Variants in MED13L observed in about 807,000 individuals in gnomAD.
MED13L encodes mediator complex subunit 13L.
MED13L carries 7 observed loss-of-function variants against 220.9 expected under a neutral mutation model. The ratio of observed to expected loss-of-function variants is 0.03; its 90% CI spans 0.02 to 0.06. MED13L has a LOEUF of 0.06. Among genes scored for constraint, MED13L ranks in the 10% least tolerant of loss-of-function variants. The probability of loss-of-function intolerance (pLI) is 1.00; values close to 1 mark genes in which losing one functional copy is unlikely to be tolerated. For synonymous variants in MED13L, 1,011 were observed against 1,015.2 expected, an observed-to-expected ratio of 1.00 and a Z score of 0.08; for missense variants, 1,965 against 2,760.5, an observed-to-expected ratio of 0.71 and a Z score of 6.46.
At chr12:116,108,476 C>A (rs1194159007) in intron 3 of MED13L, among the ~76,000 whole-genome samples, 4 of 151,704 alleles carry the variant, frequency 2.6e-5, no homozygotes, top group African/African-American at 7.3e-5. Flanking sequence ...CATATATTAG[C>A]CCTTCCAACT....
At chr12:116,034,011 A>G (rs563438809) in intron 4 of MED13L, among the ~76,000 whole-genome samples, 3 of 152,050 alleles carry the variant, frequency 2.0e-5, no homozygotes, top group Non-Finnish European at 4.4e-5. Flanking sequence ...ACTCTGGTTC[A>G]TATCTCTATG....
chr12:116,247,824 G>A lies in MED13L; in HGVS notation c.73-10119C>T, dbSNP rs549500001. 3.9e-4 allele frequency among the ~76,000 whole-genome samples: 60 copies of A among 152,276 alleles called. 1 individual carries two copies. Among genetic ancestry groups the A allele is most frequent in the Middle Eastern group, 6.8e-3 (2 of 294 alleles). On this transcript the variant is annotated intron_variant, in intron 1 of 30. Transcript: ENST00000281928. ...GATTTTTTAAAAGTTGGTTTATAGC[G>A]TAAGTATAAGGGCTCAGAGGTTTTA...
intron 4 of MED13L, among the ~76,000 whole-genome samples, chr12:116,076,725 TA>T (rs1231586735): frequency 6.6e-6 from 1 of 152,194 alleles, no homozygotes; most frequent in Non-Finnish European, 1.5e-5. Flanking sequence ...GAGGGTTTTT[TA>T]AAGCTATTTT....
chr12:116,024,195 C>A (rs1880233534), intron 4 of MED13L, among the ~76,000 whole-genome samples: 1 of 151,916 alleles, frequency 6.6e-6, no homozygotes, highest in Non-Finnish European at 1.5e-5. Context: ...AGAACAAATA[C>A]AACCAACATT....
chr12:116,237,840 T>C, intron 1 of MED13L, 135 bp from the exon 2 acceptor site: 1 of 809,102 alleles, frequency 1.2e-6, no homozygotes, highest in Non-Finnish European at 2.1e-6. Context: ...TTCCTCCCAG[T>C]GAAGAATGTA....
At chr12:116,028,334 T>C (rs1880523590) in intron 4 of MED13L, among the ~76,000 whole-genome samples, 2 of 152,204 alleles carry the variant, frequency 1.3e-5, no homozygotes, top group African/African-American at 4.8e-5. Flanking sequence ...TTGCTTCTTG[T>C]CACTTATTAC....
chr12:116,206,892 TC>T (rs1193820118), intron 2 of MED13L, among the ~76,000 whole-genome samples: 2 of 151,712 alleles, frequency 1.3e-5, no homozygotes, highest in Non-Finnish European at 2.9e-5. Flanking sequence ...TTTTTATATA[TC>T]CCCCCCAAAA....
At position 115,975,720 on chromosome 12, in the gene MED13L, G is replaced by C. The variant is rs750257495; in HGVS notation, c.5383C>G (p.Leu1795Val). The change falls in exon 24 of 31, where the codon CTT becomes GTT. Residue 1795 changes from leucine to valine, a missense_variant. Leu to Val is a conservative substitution (Grantham distance 32). This residue lies in a region of MED13L where 510 missense variants were observed against 620.4 expected (regional missense o/e 0.82). Transcript: ENST00000281928. The part of the protein sequence containing the change: ...KNPERPSPIQ[L>V]YSPPFILAPI... Reference sequence around the variant, plus strand: ...GCCAATATAAAGGGAGGGGAGTAAAGCTGGATTGGGCTGGGCCGCTGAAAT... The same window carrying C: ...GCCAATATAAAGGGAGGGGAGTAAACCTGGATTGGGCTGGGCCGCTGAAAT... 3 of 1,613,876 alleles carry C rather than the reference G, an allele frequency of 1.9e-6. No individual in the cohort carries two copies. The highest frequency in any genetic ancestry group is 1.7e-5 in the Admixed American group (1 of 59,998).
chr12:116,203,415 G>GTT (rs34200641), intron 2 of MED13L, among the ~76,000 whole-genome samples: 16 of 143,774 alleles, frequency 1.1e-4, no homozygotes, highest in South Asian at 8.7e-4. Context: ...TTTGTTTTGT[G>GTT]TTTTTTTTTT....
intron 2 of MED13L, among the ~76,000 whole-genome samples, chr12:116,137,708 C>T (rs921671803): frequency 2.6e-5 from 4 of 152,078 alleles, no homozygotes; most frequent in Non-Finnish European, 4.4e-5. Context: ...CTGCACCCAG[C>T]GTTATTTTGC....
Position 116,182,422 on chromosome 12 carries a change from C to T in MED13L, c.310+55046G>A, listed in dbSNP as rs553562707. ...CAACTGATGACCTTCCTTCCTTTTT[C>T]AATGACAGAAACCACTGAAAGAGAA... On this transcript the variant is annotated intron_variant, in intron 2 of 30. Coordinates refer to ENST00000281928, the MANE Select transcript of MED13L (RefSeq NM_015335.5). 5.9e-4 allele frequency among the ~76,000 whole-genome samples: 90 copies of T among 152,252 alleles called. 4 individuals are homozygous for T. In the South Asian group the frequency reaches 0.018, roughly 30 times the overall value.
chr12:115,980,963 A>C, intron 22 of MED13L, 25 bp from the exon 23 acceptor site: 2 of 1,597,932 alleles, frequency 1.3e-6, no homozygotes, highest in Non-Finnish European at 1.7e-6. Context: ...ACAAAAAAAA[A>C]ACAAAAACCA....
chr12:116,177,758 T>C (rs1281972476), intron 2 of MED13L, among the ~76,000 whole-genome samples: 4 of 152,216 alleles, frequency 2.6e-5, no homozygotes, highest in African/African-American at 9.6e-5. Flanking sequence ...TTAAAAGAGT[T>C]CACTGTCATA....
chr12:115,975,711 G>T lies in MED13L; in HGVS notation c.5392C>A (p.Pro1798Thr), dbSNP rs1284372021. The T allele has an allele frequency of 6.2e-7, 1 of 1,613,882 alleles. No individual in the cohort carries two copies. The highest frequency in any genetic ancestry group is 1.7e-5 in the Admixed American group (1 of 59,996). Residue 1798 changes from proline to threonine, a missense_variant, in exon 24 of 31, where the codon CCT becomes ACT. This residue lies in a region of MED13L where 510 missense variants were observed against 620.4 expected (regional missense o/e 0.82). Transcript: ENST00000281928. Reference protein sequence around the residue: ...ERPSPIQLYSPPFILAPIKDK... With the variant: ...ERPSPIQLYSTPFILAPIKDK... ...TTGATTGGGGCCAATATAAAGGGAG[G>T]GGAGTAAAGCTGGATTGGGCTGGGC... is the stretch of plus-strand genomic sequence containing the variant.
chr12:116,237,456 C>G lies in MED13L; in HGVS notation c.310+12G>C, dbSNP rs1479242882. The G allele has an allele frequency of 6.3e-7, 1 of 1,582,614 alleles. No individual in the cohort carries two copies. Among genetic ancestry groups the G allele is most frequent in the Non-Finnish European group, 8.7e-7 (1 of 1,151,608 alleles). On this transcript the variant is annotated intron_variant, in intron 2 of 30. Coordinates refer to ENST00000281928, the MANE Select transcript of MED13L (RefSeq NM_015335.5). ...ATGCAAATAATTTTTAAGAAAAAAA[C>G]AGAAACCTTACCCTGCAGTTCATGA... is the stretch of plus-strand genomic sequence containing the variant.
At chr12:115,981,290 C>T (rs1877312233) in intron 22 of MED13L, among the ~76,000 whole-genome samples, 1 of 152,124 alleles carries the variant, frequency 6.6e-6, no homozygotes, top group South Asian at 2.1e-4. Flanking sequence ...TATAATTACA[C>T]AGTGTGTATG....
chr12:116,013,585 G>A (rs539231985), intron 8 of MED13L, among the ~76,000 whole-genome samples: 11 of 152,154 alleles, frequency 7.2e-5, no homozygotes, highest in East Asian at 5.8e-4. Context: ...CCGGTCCCAC[G>A]AACTTTGAGT....
At chr12:116,261,474 G>A (rs1872513110) in intron 1 of MED13L, among the ~76,000 whole-genome samples, 2 of 145,716 alleles carry the variant, frequency 1.4e-5, no homozygotes, top group Admixed American at 1.4e-4. Context: ...TCCAGCCTGG[G>A]CAACAGAAAC....
chr12:116,108,386 A>AG (rs1405266183), intron 3 of MED13L, among the ~76,000 whole-genome samples: 2 of 52,240 alleles, frequency 3.8e-5, no homozygotes, highest in Admixed American at 2.5e-4. Context: ...GAGCTTTAAA[A>AG]GAAAGGGGGG....
Sources: allele counts gnomAD v4.1 joint callset (sites outside exome capture counted in the v4.1 genomes callset), GRCh38; gene constraint gnomAD v4.1.1; regional missense constraint gnomAD v4.1.1; transcripts MANE v1.5; gene names NCBI Gene and HGNC (gene_info 2026-07-23, HGNC 2026-07-21).